TXNDC16: variants seen among roughly 807,000 people sequenced by gnomAD.
TXNDC16 encodes the protein thioredoxin domain-containing protein 16.
Under a neutral mutation model 85.6 loss-of-function variants are expected in TXNDC16, and 74 were observed. The observed-to-expected ratio is 0.86, with a 90% CI of 0.72 to 1.05. The LOEUF is 1.05. TXNDC16 is among the 50% of genes least tolerant of loss of function. TXNDC16 has a pLI of 0.00. For missense variants in TXNDC16, 959 were observed against 947.0 expected (o/e 1.01, Z -0.17); for synonymous variants, 335 against 326.5 (o/e 1.03, Z -0.28).
intron 6 of TXNDC16, among the ~76,000 whole-genome samples, chr14:52,530,996 A>C (rs2037563454): frequency 1.3e-5 from 2 of 152,096 alleles, no homozygotes; most frequent in South Asian, 4.1e-4. Context: ...ACAAGAAAAC[A>C]AACAACCCAA....
At chr14:52,435,941 TGCACTCCA>T (rs2140098257) in intron 20 of TXNDC16, among the ~76,000 whole-genome samples, 1 of 152,142 alleles carries the variant, frequency 6.6e-6, no homozygotes, top group East Asian at 1.9e-4. Context: ...ATCGCACCCC[TGCACTCCA>T]GCCTTGGTGA....
chr14:52,480,082 A>G (rs1203803857), intron 14 of TXNDC16, among the ~76,000 whole-genome samples: 1 of 152,182 alleles, frequency 6.6e-6, no homozygotes, highest in Non-Finnish European at 1.5e-5. Flanking sequence ...TATTCAACAA[A>G]TGGTGCTGAG....
chr14:52,480,421 G>A (rs1453067061), intron 14 of TXNDC16, among the ~76,000 whole-genome samples: 5 of 151,802 alleles, frequency 3.3e-5, no homozygotes, highest in African/African-American at 4.8e-5. Flanking sequence ...CAATCTATAC[G>A]TCTGGCAAAA....
intron 9 of TXNDC16, among the ~76,000 whole-genome samples, chr14:52,500,895 T>C (rs1029463195): frequency 1.2e-4 from 18 of 152,204 alleles, no homozygotes; most frequent in Admixed American, 2.6e-4. Context: ...ATATTTGCAC[T>C]TGAGAATTCA....
At chr14:52,517,224 T>C (rs971251120) in intron 7 of TXNDC16, among the ~76,000 whole-genome samples, 1 of 152,132 alleles carries the variant, frequency 6.6e-6, no homozygotes, top group African/African-American at 2.4e-5. Flanking sequence ...ATAATTTCCC[T>C]GCCCCGTTTT....
intron 12 of TXNDC16, 113 bp downstream of exon 12, chr14:52,488,250 T>C (rs2036314786): frequency 2.3e-6 from 3 of 1,323,160 alleles, no homozygotes; most frequent in Non-Finnish European, 3.1e-6. Context: ...CAGGTTTCTT[T>C]ACAGAGTCTT....
At chr14:52,547,087 GA>G (rs2037955686) in intron 1 of TXNDC16, among the ~76,000 whole-genome samples, 1 of 152,178 alleles carries the variant, frequency 6.6e-6, no homozygotes, top group South Asian at 2.1e-4. Context: ...GGTATTAAAA[GA>G]AAAATACCCA....
intron 4 of TXNDC16, among the ~76,000 whole-genome samples, chr14:52,542,113 G>A (rs2037843565): frequency 6.6e-6 from 1 of 152,070 alleles, no homozygotes; most frequent in African/African-American, 2.4e-5. Flanking sequence ...GATACCATGG[G>A]CCCAATAGAA....
At chr14:52,513,285 A>G (rs2036998631) in intron 8 of TXNDC16, among the ~76,000 whole-genome samples, 2 of 152,200 alleles carry the variant, frequency 1.3e-5, no homozygotes, top group South Asian at 2.1e-4. Context: ...GAAGCATTCA[A>G]TAAATATTTG....
chr14:52,470,161 T>C lies in TXNDC16; in HGVS notation c.1494A>G (p.Ser498=). Residue 498 remains serine, a synonymous_variant, in exon 16 of 21, where the codon TCA becomes TCG. Coordinates refer to ENST00000281741, the MANE Select transcript of TXNDC16 (RefSeq NM_020784.3). ...GGATCGATGTTATATTCACTGGATA[T>C]GAAATCCTGTTGCTGGATAAACATA... The part of the protein sequence containing the change: ...LLKFIQLNRI[S]YPVNITSIQE... 1 of 1,599,666 alleles carries C rather than the reference T, an allele frequency of 6.3e-7. No homozygotes were observed. Among genetic ancestry groups the C allele is most frequent in the East Asian group, 2.2e-5 (1 of 44,562 alleles).
At chr14:52,545,315 C>G (rs986728835) in intron 1 of TXNDC16, among the ~76,000 whole-genome samples, 1 of 151,988 alleles carries the variant, frequency 6.6e-6, no homozygotes, top group Non-Finnish European at 1.5e-5. Flanking sequence ...TCTCGTTGGC[C>G]AAACAAGATT....
chr14:52,460,558 T>A (rs896922136), intron 16 of TXNDC16, among the ~76,000 whole-genome samples: 65 of 152,338 alleles, frequency 4.3e-4, no homozygotes, highest in Middle Eastern at 3.4e-3. Flanking sequence ...CTGTAACATT[T>A]GAAAGTTACT....
rs183262234 is a variant in TXNDC16, at chr14:52,505,795, G to T, written c.756+5445C>A. 0.014 allele frequency among the ~76,000 whole-genome samples: 2,171 copies of T among 152,068 alleles called. 108 individuals are homozygous for T. The East Asian group carries it at 0.17, about 12-fold the overall frequency. ...CAATGAATCCAGGAGCTGGTTTTTT[G>T]AAAAGATCAACAAAACTGATAGACC... On this transcript the variant is annotated intron_variant, in intron 9 of 20. Coordinates refer to ENST00000281741, the MANE Select transcript of TXNDC16 (RefSeq NM_020784.3).
chr14:52,479,013 A>G (rs1385781676), intron 14 of TXNDC16, among the ~76,000 whole-genome samples: 5 of 152,092 alleles, frequency 3.3e-5, no homozygotes, highest in Non-Finnish European at 1.5e-5. Flanking sequence ...ATTAAAATAC[A>G]CAAGTCAATA....
chr14:52,482,325 G>A, intron 13 of TXNDC16, 36 bp from the exon 14 acceptor site: 1 of 1,536,310 alleles, frequency 6.5e-7, no homozygotes, highest in Non-Finnish European at 9.0e-7. Flanking sequence ...GATATTACAT[G>A]TATATCTACA....
intron 12 of TXNDC16, 62 bp downstream of exon 12, chr14:52,488,301 A>C (rs1018047077): frequency 6.3e-7 from 1 of 1,582,828 alleles, no homozygotes; most frequent in Non-Finnish European, 8.6e-7. Flanking sequence ...TCCATTGGAA[A>C]TTTCACTGAC....
chr14:52,432,480 T>C lies in TXNDC16; in HGVS notation c.2302A>G (p.Met768Val), dbSNP rs533734495. The C allele has an allele frequency of 7.4e-6, 12 of 1,614,078 alleles. No homozygotes were observed. The highest frequency in any genetic ancestry group is 2.2e-5 in the East Asian group (1 of 44,856). Residue 768 changes from methionine to valine, a missense_variant, in exon 21 of 21, where the codon ATG becomes GTG. By Grantham distance (21) the Met-to-Val change is conservative. Transcript: ENST00000281741. The stretch of plus-strand genomic sequence containing the variant: ...TTCTCCTGCACATCTGTTTCTTTCA[T>C]ACACTTGGGAACTTTCCTAGTGCCA... ...QRGTRKVPKC[M>V]KETDVQENDK...
Position 52,543,427 on chromosome 14 carries a change from T to A in TXNDC16, c.131A>T (p.Lys44Ile). ...TTGACAAAAATAAGCTAAAGAGGCT[T>A]TTCCTGGTTGCAATGTACTAAAATA... ...QKYFSTLQPGKASLAYFCQAD... is the reference protein window; with the variant it reads ...QKYFSTLQPGIASLAYFCQAD... The change falls in exon 3 of 21, where the codon AAA becomes ATA. Residue 44 changes from lysine to isoleucine, a missense_variant. Lys to Ile is a moderately radical substitution (Grantham distance 102, BLOSUM62 -3). Transcript: ENST00000281741. The A allele has an allele frequency of 6.2e-7, 1 of 1,611,630 alleles. No individual in the cohort carries two copies. Among genetic ancestry groups the A allele is most frequent in the Non-Finnish European group, 8.5e-7 (1 of 1,179,206 alleles).
chr14:52,519,241 T>A lies in TXNDC16; in HGVS notation c.445A>T (p.Asn149Tyr). Residue 149 changes from asparagine to tyrosine, a missense_variant, in exon 7 of 21, where the codon AAC (asparagine) becomes TAC (tyrosine). By Grantham distance (143) the Asn-to-Tyr change is moderately radical. Coordinates refer to ENST00000281741, the MANE Select transcript of TXNDC16 (RefSeq NM_020784.3). ...TTTCCTTTCAGAGCATTTTCTATGT[T>A]CTGAAGGTCTTCCAGGTTGGTAATA... The part of the protein sequence containing the change: ...KYITNLEDLQ[N>Y]IENALKGKAN... The A allele has an allele frequency of 6.2e-7, 1 of 1,609,108 alleles. No homozygotes were observed.
Sources: allele counts gnomAD v4.1 joint callset (sites outside exome capture counted in the v4.1 genomes callset), GRCh38; gene constraint gnomAD v4.1.1; transcripts MANE v1.5; gene names NCBI Gene and HGNC (gene_info 2026-07-23, HGNC 2026-07-21).